ATP1A2: variants seen among roughly 807,000 people sequenced by gnomAD.
ATP1A2 encodes the protein sodium/potassium-transporting ATPase subunit alpha-2.
Under a neutral mutation model 113.1 loss-of-function variants are expected in ATP1A2, and 56 were observed. The observed-to-expected ratio is 0.49, with a 90% CI of 0.40 to 0.62. The LOEUF is 0.62. ATP1A2 is among the 20% of genes least tolerant of loss of function. The pLI, the probability that ATP1A2 is intolerant of heterozygous loss-of-function variation, is 0.00. For missense variants in ATP1A2, 712 were observed against 1,357.8 expected, an observed-to-expected ratio of 0.52 and a Z score of 7.47; for synonymous variants, 490 against 526.8, an observed-to-expected ratio of 0.93 and a Z score of 0.96.
Position 160,143,322 on chromosome 1 carries a change from A to G in ATP1A2, c.*2000A>G, listed in dbSNP as rs1160062472. ...GACAAAAGTTTATCTTTGCACAATCAATAAAAATGGCATTTTTTTAGTAAA... is the reference window on the plus strand; with the variant it reads ...GACAAAAGTTTATCTTTGCACAATCGATAAAAATGGCATTTTTTTAGTAAA... On this transcript the variant is annotated 3_prime_UTR_variant, in exon 23 of 23. Coordinates refer to ENST00000361216, the MANE Select transcript of ATP1A2 (RefSeq NM_000702.4). 1 of 152,550 alleles carries G rather than the reference A, an allele frequency of 6.6e-6. No individual in the cohort carries two copies. The highest frequency in any genetic ancestry group is 1.5e-5 in the Non-Finnish European group (1 of 68,040). 9.4% of individuals were successfully genotyped at this position (152,550 alleles called of 1,614,324 possible). A position where few individuals can be genotyped will look rare whatever the true frequency, so the allele number is the denominator to read the frequency against.
At chr1:160,121,137 C>T (rs1651382064) in intron 2 of ATP1A2, 55 bp from the exon 3 acceptor site, 2 of 1,606,518 alleles carry the variant, frequency 1.2e-6, no homozygotes, top group East Asian at 2.2e-5. Context: ...CTGCAGTACC[C>T]TCATATGCAT....
intron 22 of ATP1A2, 23 bp downstream of exon 22, chr1:160,140,007 C>T: frequency 1.9e-6 from 3 of 1,609,020 alleles, no homozygotes; most frequent in Non-Finnish European, 2.5e-6. Context: ...ACATTCCCCC[C>T]AGCAAAGTGC....
intron 7 of ATP1A2, chr1:160,125,645 G>A (rs185969042): frequency 7.1e-4 from 169 of 239,304 alleles, no homozygotes; most frequent in Non-Finnish European, 1.1e-3. Flanking sequence ...TCTGGGCCTC[G>A]CTGCCCCCTT....
chr1:160,135,039 G>A lies in ATP1A2; in HGVS notation c.1965-106G>A. On this transcript the variant is annotated intron_variant, in intron 14 of 22. Transcript: ENST00000361216. This position sits in a 1 kb window ranked among gnomAD's most constrained non-coding sequence, Gnocchi z 6.3. ...AGAACTGAAGCAACAGGGGAAGCAG[G>A]CTCAGCAGGGAGCCTGCAGGCTGCG... 1 of 1,458,486 alleles carries A rather than the reference G, an allele frequency of 6.9e-7. No homozygotes were observed. Among genetic ancestry groups the A allele is most frequent in the Non-Finnish European group, 9.5e-7 (1 of 1,051,858 alleles). 90.3% of individuals were successfully genotyped at this position (1,458,486 alleles called of 1,614,324 possible). A position where few individuals can be genotyped will look rare whatever the true frequency, so the allele number is the denominator to read the frequency against.
intron 9 of ATP1A2, 64 bp from the exon 10 acceptor site, chr1:160,128,916 T>C: frequency 4.4e-6 from 7 of 1,602,118 alleles, no homozygotes; most frequent in Non-Finnish European, 6.0e-6. Flanking sequence ...CGTGGTGGGG[T>C]GAGTGGTTGA....
Position 160,121,262 on chromosome 1 carries a change from G to A in ATP1A2, c.177+11G>A. ...GTGGACCTGTCCAAGGTGAGTGGAGGGGCTTCTAGGGAAGGAACAAAAGAG... is the reference window on the plus strand; with the variant it reads ...GTGGACCTGTCCAAGGTGAGTGGAGAGGCTTCTAGGGAAGGAACAAAAGAG... On this transcript the variant is annotated intron_variant, in intron 3 of 22. Coordinates refer to ENST00000361216, the MANE Select transcript of ATP1A2 (RefSeq NM_000702.4). 1 of 1,614,142 alleles carries A rather than the reference G, an allele frequency of 6.2e-7. No homozygotes were observed. The highest frequency in any genetic ancestry group is 8.5e-7 in the Non-Finnish European group (1 of 1,180,004).
chr1:160,124,214 G>T lies in ATP1A2; in HGVS notation c.496-82G>T, dbSNP rs1390857762. 5.2e-5 allele frequency: 81 copies of T among 1,554,590 alleles called. No individual in the cohort carries two copies. The East Asian group carries it at 1.9e-3, about 36-fold the overall frequency. On this transcript the variant is annotated intron_variant, in intron 5 of 22. Transcript: ENST00000361216. ...AATTGTTTATGGGGCTTCTCCTTCT[G>T]CTTGACGGTGTGGGAGACCAGCAGG...
chr1:160,124,161 G>A (rs1022826755), intron 5 of ATP1A2, 105 bp downstream of exon 5: 3 of 1,561,524 alleles, frequency 1.9e-6, no homozygotes, highest in Non-Finnish European at 2.6e-6. Flanking sequence ...GGACAGAAAA[G>A]ATCCTCCAGC....
In ATP1A2 at chr1:160,142,967, T is replaced by G. The variant is rs983989739; in HGVS notation, c.*1645T>G. The G allele has an allele frequency of 2.6e-5, 4 of 152,230 alleles. No individual in the cohort carries two copies. The highest frequency in any genetic ancestry group is 4.4e-5 in the Non-Finnish European group (3 of 68,058). 9.4% of individuals were successfully genotyped at this position (152,230 alleles called of 1,614,324 possible). ...AGCTTTCTTTCCCTTACTCCCTATC[T>G]AACACTTTTGCTCTGCAGGCAGCCT... On this transcript the variant is annotated 3_prime_UTR_variant, in exon 23 of 23. Transcript: ENST00000361216.
At chr1:160,121,102 A>G in intron 2 of ATP1A2, 90 bp from the exon 3 acceptor site, 1 of 1,601,386 alleles carries the variant, frequency 6.2e-7, no homozygotes, top group Non-Finnish European at 8.6e-7. Context: ...CGTGTCCCCC[A>G]TGCTGCTCAA....
At chr1:160,134,450 C>T (rs749176616) in intron 13 of ATP1A2, 34 bp from the exon 14 acceptor site, 1 of 1,614,116 alleles carries the variant, frequency 6.2e-7, no homozygotes, top group South Asian at 1.1e-5. Context: ...ACCCTTAATA[C>T]TACTTTCCTG....
Position 160,135,751 on chromosome 1 carries a change from CTT to C in ATP1A2, c.2285-87_2285-86del. 1 of 1,611,254 alleles carries C rather than the reference CTT, an allele frequency of 6.2e-7. No homozygotes were observed. Among genetic ancestry groups the C allele is most frequent in the Non-Finnish European group, 8.5e-7 (1 of 1,177,762 alleles). On this transcript the variant is annotated intron_variant, in intron 16 of 22. Transcript: ENST00000361216. The surrounding 1 kb of genome is among the most constrained non-coding windows in gnomAD (Gnocchi z 6.3). The stretch of plus-strand genomic sequence containing the variant: ...TCCCTTGAACACAAAATCTTCCTCT[CTT>C]GGGAAGACAGGCAGCCATGCTTCAG...
chr1:160,124,475 G>T, intron 6 of ATP1A2, 45 bp downstream of exon 6: 1 of 1,573,818 alleles, frequency 6.4e-7, no homozygotes, highest in Non-Finnish European at 8.6e-7. Flanking sequence ...TAAGGAGAAG[G>T]CTGTGTGCAG....
In ATP1A2 at chr1:160,141,285, C is replaced by T; in HGVS notation, c.3035-9C>T. The T allele has an allele frequency of 6.2e-7, 1 of 1,614,026 alleles. No individual in the cohort carries two copies. Among genetic ancestry groups the T allele is most frequent in the Admixed American group, 1.7e-5 (1 of 60,012 alleles). ...ATGCTGCAATCTCCACTCCCAATCT[C>T]TCTAACAGGCTGGGTGGAGAAGGAG... is the stretch of plus-strand genomic sequence containing the variant. On this transcript the variant is annotated splice_polypyrimidine_tract_variant and intron_variant, in intron 22 of 22. Coordinates refer to ENST00000361216, the MANE Select transcript of ATP1A2 (RefSeq NM_000702.4).
At chr1:160,129,141 T>C (rs1436921327) in intron 10 of ATP1A2, 52 bp downstream of exon 10, 2 of 1,556,640 alleles carry the variant, frequency 1.3e-6, no homozygotes, top group South Asian at 2.2e-5. Flanking sequence ...CTCCAAAGCC[T>C]CTTGCTGGCC....
rs1297780990 is a variant in ATP1A2 at position 160,141,275 on chromosome 1, C to T, written c.3035-19C>T. The T allele has an allele frequency of 6.2e-7, 1 of 1,613,878 alleles. No homozygotes were observed. Among genetic ancestry groups the T allele is most frequent in the East Asian group, 2.2e-5 (1 of 44,878 alleles). Reference sequence around the variant, plus strand: ...TTTTAAGCTCATGCTGCAATCTCCACTCCCAATCTCTCTAACAGGCTGGGT... The same window carrying T: ...TTTTAAGCTCATGCTGCAATCTCCATTCCCAATCTCTCTAACAGGCTGGGT... On this transcript the variant is annotated intron_variant, in intron 22 of 22. Coordinates refer to ENST00000361216, the MANE Select transcript of ATP1A2 (RefSeq NM_000702.4).
intron 11 of ATP1A2, 111 bp downstream of exon 11, chr1:160,129,511 T>C: frequency 6.6e-7 from 1 of 1,515,366 alleles, no homozygotes; most frequent in South Asian, 1.1e-5. Flanking sequence ...GAGGGTCATG[T>C]TCCCTCCCCC....
Position 160,121,223 on chromosome 1 carries a change from G to A in ATP1A2, c.149G>A (p.Gly50Asp), listed in dbSNP as rs1570983300. The A allele has an allele frequency of 6.2e-7, 1 of 1,614,090 alleles. No homozygotes were observed. Among genetic ancestry groups the A allele is most frequent in the Non-Finnish European group, 8.5e-7 (1 of 1,180,046 alleles). The change falls in exon 3 of 23, where the codon GGC (glycine) becomes GAC (aspartate). Residue 50 changes from glycine to aspartate, a missense_variant. By Grantham distance (94) the Gly-to-Asp change is moderately conservative (BLOSUM62 -1). Coordinates refer to ENST00000361216, the MANE Select transcript of ATP1A2 (RefSeq NM_000702.4). ...DDHKLSLDEL[G>D]RKYQVDLSKG... ...CACAAGCTGTCCTTGGATGAGCTGG[G>A]CCGCAAATACCAAGTGGACCTGTCC... is the stretch of plus-strand genomic sequence containing the variant.
chr1:160,139,797 C>T (rs1347171427), intron 21 of ATP1A2, 56 bp downstream of exon 21: 1 of 1,609,104 alleles, frequency 6.2e-7, no homozygotes, highest in Admixed American at 1.7e-5. Context: ...TCAGCCCCCT[C>T]CAGGATCCAA....
Sources: gnomAD v4.1 joint callset for allele counts on GRCh38, gnomAD v4.1.1 for gene constraint, Gnocchi (gnomAD v3.1) non-coding constraint, MANE v1.5 for transcripts, NCBI Gene and HGNC (gene_info 2026-07-23, HGNC 2026-07-21) for gene names.